SLC7A7: variants seen among roughly 807,000 people sequenced by gnomAD.
SLC7A7 encodes Y+L amino acid transporter 1.
In SLC7A7, 39 loss-of-function variants were observed where a neutral mutation model predicts 47.9. The observed-to-expected ratio is 0.81, with a 90% CI of 0.63 to 1.06. The LOEUF (loss-of-function observed/expected upper bound fraction) is 1.06, where lower values mean the gene tolerates loss of function less well. SLC7A7 is among the 50% of genes least tolerant of loss of function. The pLI is 0.00. For missense variants in SLC7A7, 588 were observed against 632.0 expected (o/e 0.93, Z 0.75); for synonymous variants, 234 against 242.8 (o/e 0.96, Z 0.34).
intron 2 of SLC7A7, among the ~76,000 whole-genome samples, chr14:22,782,469 A>ATTTATTTAT (rs2038737778): frequency 1.4e-5 from 2 of 142,522 alleles, no homozygotes; most frequent in African/African-American, 5.2e-5. Context: ...TATTTATTTT[A>ATTTATTTAT]TTTATTTTTT....
intron 2 of SLC7A7, among the ~76,000 whole-genome samples, chr14:22,811,825 C>T (rs1172917855): frequency 5.3e-5 from 7 of 132,956 alleles, no homozygotes; most frequent in South Asian, 2.6e-4. Context: ...CAAGCCTGGG[C>T]GACAGAGTGA....
chr14:22,780,623 A>G (rs1566444171), intron 2 of SLC7A7: 1 of 160,142 alleles, frequency 6.2e-6, no homozygotes. Context: ...TCTTGCAGCT[A>G]AGAGTGGTTC....
chr14:22,776,128 C>G, intron 5 of SLC7A7, 67 bp downstream of exon 5: 4 of 1,609,910 alleles, frequency 2.5e-6, no homozygotes, highest in South Asian at 1.1e-5. Context: ...CCAGGACTTT[C>G]AAGAGCCAGA....
intron 1 of SLC7A7, among the ~76,000 whole-genome samples, chr14:22,814,316 TC>T (rs1217082373): frequency 6.6e-6 from 1 of 151,386 alleles, no homozygotes; most frequent in African/African-American, 2.4e-5. Flanking sequence ...AAACCCAGTC[TC>T]TACTAAAAAT....
chr14:22,802,753 C>T (rs1488243387), intron 2 of SLC7A7, among the ~76,000 whole-genome samples: 1 of 152,136 alleles, frequency 6.6e-6, no homozygotes. Context: ...AGTTCCACCC[C>T]AGCTATATCA....
Position 22,801,141 on chromosome 14 carries a change from T to C in SLC7A7, c.499+11759A>G, listed in dbSNP as rs571414270. On this transcript the variant is annotated intron_variant, in intron 2 of 9. Transcript: ENST00000674313. Reference sequence around the variant, plus strand: ...ACACTACGTTTTAGACTATTTGTTATAGCACAATAATAACTAGCACAGCTT... The same window carrying C: ...ACACTACGTTTTAGACTATTTGTTACAGCACAATAATAACTAGCACAGCTT... Among the ~76,000 whole-genome samples the C allele has an allele frequency of 2.0e-4, 31 of 152,276 alleles. 1 individual carries two copies. Among genetic ancestry groups the C allele is most frequent in the African/African-American group, 3.8e-4 (16 of 41,564 alleles).
At chr14:22,783,463 C>T (rs557289056) in intron 2 of SLC7A7, among the ~76,000 whole-genome samples, 28 of 150,622 alleles carry the variant, frequency 1.9e-4, no homozygotes, top group African/African-American at 6.1e-4. Context: ...TACAGTGGTG[C>T]GATCTCAGCT....
At chr14:22,806,376 T>C (rs545535205) in intron 2 of SLC7A7, among the ~76,000 whole-genome samples, 57 of 151,664 alleles carry the variant, frequency 3.8e-4, no homozygotes, top group Middle Eastern at 6.8e-3. Flanking sequence ...TTTTGTGTTT[T>C]AGTAGAGACA....
rs999812870 is a variant in SLC7A7 at position 22,773,794 on chromosome 14, G to A, written c.1430-78C>T. 3.9e-6 allele frequency: 6 copies of A among 1,524,098 alleles called. No individual in the cohort carries two copies. The Admixed American group carries it at 1.0e-4, about 26-fold the overall frequency. The allele number at this position is 1,524,098 out of a possible 1,614,324, so 94.4% of individuals were successfully genotyped here. On this transcript the variant is annotated intron_variant, in intron 9 of 9. Transcript: ENST00000674313. ...CAAGTGTCACTGAATGGAACTCAGT[G>A]TGAGGGGAGTGATTCCACTAAGCCG... is the stretch of plus-strand genomic sequence containing the variant.
intron 2 of SLC7A7, among the ~76,000 whole-genome samples, chr14:22,807,960 G>A (rs1029661345): frequency 5.3e-5 from 8 of 152,090 alleles, no homozygotes; most frequent in Non-Finnish European, 7.3e-5. Flanking sequence ...TTAGGAGTTC[G>A]AGACCAGCCT....
chr14:22,808,896 G>A (rs115754831), intron 2 of SLC7A7, among the ~76,000 whole-genome samples: 172 of 152,322 alleles, frequency 1.1e-3, no homozygotes, highest in Admixed American at 3.7e-3. Flanking sequence ...AAGAAAGACA[G>A]TAATTTGAAA....
At chr14:22,794,915 C>T (rs1228773377) in intron 2 of SLC7A7, among the ~76,000 whole-genome samples, 1 of 152,050 alleles carries the variant, frequency 6.6e-6, no homozygotes, top group African/African-American at 2.4e-5. Flanking sequence ...CGGCTTTTCC[C>T]ACCTCTAGTG....
At chr14:22,807,558 C>T (rs1294227422) in intron 2 of SLC7A7, among the ~76,000 whole-genome samples, 1 of 152,024 alleles carries the variant, frequency 6.6e-6, no homozygotes, top group East Asian at 1.9e-4. Context: ...AGAGCAAGAA[C>T]CCCCATCTCT....
chr14:22,800,094 A>C (rs1267804170), intron 2 of SLC7A7, among the ~76,000 whole-genome samples: 1 of 152,150 alleles, frequency 6.6e-6, no homozygotes, highest in African/African-American at 2.4e-5. Flanking sequence ...CCAAGCCACC[A>C]TCATTTCTCA....
intron 2 of SLC7A7, 185 bp from the exon 3 acceptor site, chr14:22,780,236 G>A: frequency 1.6e-6 from 1 of 620,998 alleles, no homozygotes; most frequent in East Asian, 2.9e-5. Flanking sequence ...TCATACAAAG[G>A]CCTCTATACT....
chr14:22,773,450 A>ATTACT lies in SLC7A7; in HGVS notation c.*155_*159dup, dbSNP rs1369881505. ...GAACAGTATGTAGCAAAACAAATAA[A>ATTACT]TTACTTTTCATTTCAAAAAGTAAGT... is the stretch of plus-strand genomic sequence containing the variant. On this transcript the variant is annotated 3_prime_UTR_variant, in exon 10 of 10. Coordinates refer to ENST00000674313, the MANE Select transcript of SLC7A7 (RefSeq NM_003982.4). The ATTACT allele has an allele frequency of 2.8e-6, 2 of 717,898 alleles. No individual in the cohort carries two copies. The highest frequency in any genetic ancestry group is 5.1e-6 in the Non-Finnish European group (2 of 390,128). The allele number at this position is 717,898 out of a possible 1,614,324, so 44.5% of individuals were successfully genotyped here.
chr14:22,791,568 G>A (rs1436036170), intron 2 of SLC7A7, among the ~76,000 whole-genome samples: 1 of 152,094 alleles, frequency 6.6e-6, no homozygotes. Context: ...ACATTTCTAG[G>A]TTAGGCTGGG....
intron 2 of SLC7A7, among the ~76,000 whole-genome samples, chr14:22,809,342 CTTT>C (rs572640614): frequency 3.0e-5 from 4 of 133,670 alleles, no homozygotes; most frequent in African/African-American, 2.8e-5. Context: ...CCACACCCAG[CTTT>C]TTTTTTTTTT....
chr14:22,795,753 G>A (rs1034394768), intron 2 of SLC7A7, among the ~76,000 whole-genome samples: 5 of 152,062 alleles, frequency 3.3e-5, no homozygotes, highest in Admixed American at 1.3e-4. Flanking sequence ...GATTACAGGC[G>A]TGAGCCACCG....
Sources: allele counts gnomAD v4.1 joint callset (sites outside exome capture counted in the v4.1 genomes callset), GRCh38; gene constraint gnomAD v4.1.1; transcripts MANE v1.5; gene names NCBI Gene and HGNC (gene_info 2026-07-23, HGNC 2026-07-21).